Variants in RYR2 observed in about 807,000 individuals in gnomAD.
RYR2 encodes the protein cardiac muscle ryanodine receptor-calcium release channel.
Under a neutral mutation model 601.1 loss-of-function variants are expected in RYR2, and 227 were observed. That is an observed-to-expected ratio of 0.38 (90% CI 0.34 to 0.42). RYR2 has a LOEUF of 0.42. Ranked by LOEUF, RYR2 falls within the 10% of genes least tolerant of loss-of-function variation. The probability of loss-of-function intolerance (pLI) is 1.00; values close to 1 mark genes in which losing one functional copy is unlikely to be tolerated. For synonymous variants in RYR2, 2,223 were observed against 2,175.1 expected, an observed-to-expected ratio of 1.02 and a Z score of -0.61; for missense variants, 4,646 against 6,156.5, an observed-to-expected ratio of 0.75 and a Z score of 8.21.
At chr1:237,671,329 C>A (rs1256048271) in intron 58 of RYR2, among the ~76,000 whole-genome samples, 1 of 152,098 alleles carries the variant, frequency 6.6e-6, no homozygotes, top group Non-Finnish European at 1.5e-5. Context: ...AGTTTCAGAG[C>A]AGAAACGACA....
chr1:237,808,948 TGTG>T lies in RYR2; in HGVS notation c.14351_14353del (p.Val4784del). 6.2e-7 allele frequency: 1 copy of T among 1,613,224 alleles called. No homozygotes were observed. Among genetic ancestry groups the T allele is most frequent in the Non-Finnish European group, 8.5e-7 (1 of 1,179,170 alleles). ...TAGCTGTTGTTGTATACCTATACAC[TGTG>T]GTGGCATTCAATTTTTTCCGAAAAT... On this transcript the variant is annotated inframe_deletion, in exon 100 of 105. Transcript: ENST00000366574.
intron 48 of RYR2, among the ~76,000 whole-genome samples, chr1:237,647,898 G>A (rs1276711206): frequency 6.6e-6 from 1 of 152,146 alleles, no homozygotes; most frequent in East Asian, 1.9e-4. Flanking sequence ...GATAGAGAAA[G>A]CAATATGACC....
At chr1:237,385,374 G>T (rs1197877388) in intron 8 of RYR2, among the ~76,000 whole-genome samples, 2 of 152,082 alleles carry the variant, frequency 1.3e-5, no homozygotes, top group African/African-American at 4.8e-5. Context: ...CAATTACCCT[G>T]ATATGATCAC....
rs551978322 is a variant in RYR2, at chr1:237,307,137, A to T, written c.169-23741A>T. ...TTCTTTTCTACGTAAAAGCTCTAGGATGATAATGTCATTACCACTTTTTAC... is the reference window on the plus strand; with the variant it reads ...TTCTTTTCTACGTAAAAGCTCTAGGTTGATAATGTCATTACCACTTTTTAC... On this transcript the variant is annotated intron_variant, in intron 2 of 104. Transcript: ENST00000366574. Among the ~76,000 whole-genome samples the T allele has an allele frequency of 2.7e-4, 41 of 150,262 alleles. 1 individual carries two copies. In the South Asian group the frequency reaches 8.1e-3, roughly 30 times the overall value.
chr1:237,343,798 A>C (rs1161755036), intron 3 of RYR2, among the ~76,000 whole-genome samples: 2 of 150,562 alleles, frequency 1.3e-5, no homozygotes, highest in Admixed American at 6.6e-5. Context: ...ATTTGTATGT[A>C]GTTTCCCCAT....
chr1:237,057,474 C>T (rs1662312562), intron 1 of RYR2, among the ~76,000 whole-genome samples: 1 of 152,078 alleles, frequency 6.6e-6, no homozygotes, highest in South Asian at 2.1e-4. Context: ...CGTGAGCCAC[C>T]GCGCCTGGCC....
intron 29 of RYR2, among the ~76,000 whole-genome samples, chr1:237,588,557 G>A (rs1009560065): frequency 6.6e-6 from 1 of 152,172 alleles, no homozygotes; most frequent in African/African-American, 2.4e-5. Flanking sequence ...TGAAGGCTGG[G>A]CACAGTGGCC....
In RYR2 at chr1:237,611,381, T is replaced by C. The variant is rs111940041; in HGVS notation, c.4910+393T>C. ...TCATAAGAATCACTTATGATTCCTATGTTCAACCCTTCATTTTATAGATGT... is the reference window on the plus strand; with the variant it reads ...TCATAAGAATCACTTATGATTCCTACGTTCAACCCTTCATTTTATAGATGT... On this transcript the variant is annotated intron_variant, in intron 36 of 104. Coordinates refer to ENST00000366574, the MANE Select transcript of RYR2 (RefSeq NM_001035.3). Among the ~76,000 whole-genome samples, 501 of 152,308 alleles carry C rather than the reference T, an allele frequency of 3.3e-3. 1 individual carries two copies. The highest frequency in any genetic ancestry group is 5.9e-3 in the Non-Finnish European group (402 of 68,028).
intron 24 of RYR2, among the ~76,000 whole-genome samples, chr1:237,513,989 A>G (rs1342814759): frequency 6.6e-6 from 1 of 152,232 alleles, no homozygotes; most frequent in Non-Finnish European, 1.5e-5. Context: ...ACATCAAGTA[A>G]ATTGAGAACC....
chr1:237,578,774 G>C (rs766574200), intron 29 of RYR2, among the ~76,000 whole-genome samples: 1 of 151,152 alleles, frequency 6.6e-6, no homozygotes, highest in East Asian at 2.0e-4. Flanking sequence ...CTGCAGTTTT[G>C]ATAAGGTGGT....
chr1:237,701,164 A>C (rs1277432237), intron 65 of RYR2, among the ~76,000 whole-genome samples: 1 of 152,256 alleles, frequency 6.6e-6, no homozygotes, highest in African/African-American at 2.4e-5. Context: ...ACCTCTGTGC[A>C]AAAACTGCTG....
At chr1:237,776,751 G>T (rs1317336587) in intron 87 of RYR2, among the ~76,000 whole-genome samples, 3 of 152,034 alleles carry the variant, frequency 2.0e-5, no homozygotes, top group African/African-American at 4.8e-5. Flanking sequence ...CTCTTCCGGG[G>T]CACATGTAAT....
intron 91 of RYR2, among the ~76,000 whole-genome samples, chr1:237,787,060 C>T (rs993041086): frequency 2.2e-4 from 34 of 152,020 alleles, no homozygotes; most frequent in Non-Finnish European, 3.4e-4. Flanking sequence ...CATATGACTT[C>T]ACTTTAATTT....
At chr1:237,687,360 C>CTTCTTCTTTTTTTTTTTTTTTTTTTTTT in intron 62 of RYR2, 95 bp from the exon 63 acceptor site, 2 of 492,270 alleles carry the variant, frequency 4.1e-6, no homozygotes, top group East Asian at 4.1e-5. Flanking sequence ...TTTCTTTTTT[C>CTTCTTCTTTTTTTTTTTTTTTTTTTTTT]TTCTTCTTTT....
chr1:237,546,881 C>A (rs1478232499), intron 25 of RYR2, among the ~76,000 whole-genome samples: 1 of 150,886 alleles, frequency 6.6e-6, no homozygotes, highest in Non-Finnish European at 1.5e-5. Context: ...AATGGACAAA[C>A]TCCCTGCTTT....
chr1:237,476,612 T>C lies in RYR2; in HGVS notation c.1708+7425T>C, dbSNP rs1206511555. Among the ~76,000 whole-genome samples, 4 of 151,084 alleles carry C rather than the reference T, an allele frequency of 2.6e-5. No homozygotes were observed. The East Asian group carries it at 7.8e-4, about 29-fold the overall frequency. On this transcript the variant is annotated intron_variant, in intron 17 of 104. Coordinates refer to ENST00000366574, the MANE Select transcript of RYR2 (RefSeq NM_001035.3). ...TGTACAGAACAACTTGTGGTACCTG[T>C]AAATAGGATGGTTTAAGGCTTCCAA...
chr1:237,137,292 C>T (rs977477951), intron 1 of RYR2, among the ~76,000 whole-genome samples: 3 of 152,118 alleles, frequency 2.0e-5, no homozygotes, highest in African/African-American at 7.2e-5. Flanking sequence ...TGGTCTCTGT[C>T]ACCTTGTCAT....
At chr1:237,461,350 T>G (rs1210137911) in intron 16 of RYR2, among the ~76,000 whole-genome samples, 1 of 152,158 alleles carries the variant, frequency 6.6e-6, no homozygotes, top group African/African-American at 2.4e-5. Context: ...TACTCAGACC[T>G]CAGGGAGCTC....
intron 17 of RYR2, among the ~76,000 whole-genome samples, chr1:237,479,687 C>A (rs1296831342): frequency 6.6e-6 from 1 of 152,130 alleles, no homozygotes; most frequent in Non-Finnish European, 1.5e-5. Flanking sequence ...TGGGTACTGA[C>A]GTTTCACAGG....
Sources: allele counts gnomAD v4.1 joint callset (sites outside exome capture counted in the v4.1 genomes callset), GRCh38; gene constraint gnomAD v4.1.1; transcripts MANE v1.5; gene names NCBI Gene and HGNC (gene_info 2026-07-23, HGNC 2026-07-21).